Variants in EFNA1 observed in about 807,000 individuals in gnomAD.
The protein encoded by EFNA1 is ephrin A1.
A neutral mutation model predicts 23.2 loss-of-function variants in EFNA1; 8 were observed. The ratio of observed to expected loss-of-function variants is 0.34; its 90% CI spans 0.20 to 0.62. EFNA1 has a LOEUF of 0.62. Ranked by LOEUF, EFNA1 falls within the 20% of genes least tolerant of loss-of-function variation. The pLI, the probability that EFNA1 is intolerant of heterozygous loss-of-function variation, is 0.75. For missense variants in EFNA1, 217 were observed against 260.0 expected (o/e 0.83, Z 1.14); for synonymous variants, 89 against 98.6 (o/e 0.90, Z 0.58).
intron 2 of EFNA1, among the ~76,000 whole-genome samples, chr1:155,132,676 A>C (rs949348333): frequency 6.6e-6 from 1 of 151,662 alleles, no homozygotes; most frequent in Admixed American, 6.6e-5. Flanking sequence ...AAAAAAATAC[A>C]AAAATTAGCC....
chr1:155,131,269 T>G lies in EFNA1; in HGVS notation c.93-70T>G, dbSNP rs1178550349. ...TGAAATGTGAGAGGTCATGTAAACA[T>G]TCAGAGGCCCAAGGATCTGGCCTGG... On this transcript the variant is annotated intron_variant, in intron 1 of 4. Coordinates refer to ENST00000368407, the MANE Select transcript of EFNA1 (RefSeq NM_004428.3). 3.9e-6 allele frequency: 6 copies of G among 1,536,374 alleles called. No individual in the cohort carries two copies. The East Asian group carries it at 1.1e-4, about 29-fold the overall frequency.
chr1:155,130,628 G>C, intron 1 of EFNA1: 1 of 985,376 alleles, frequency 1.0e-6, no homozygotes, highest in South Asian at 4.7e-5. Context: ...GGTGCTCTGA[G>C]AAGGGGAAAA....
rs1018230584 is a variant in EFNA1, at chr1:155,131,635, G to A, written c.388+1G>A. The stretch of plus-strand genomic sequence containing the variant: ...GAAGGACACAGCTACTACTACATCT[G>A]TGAGTGCCTGTGAGGGGACAGTGTC... On this transcript the variant is annotated splice_donor_variant, in intron 2 of 4. Coordinates refer to ENST00000368407, the MANE Select transcript of EFNA1 (RefSeq NM_004428.3). LOFTEE classifies it high-confidence loss of function. The A allele has an allele frequency of 6.2e-7, 1 of 1,606,912 alleles. No homozygotes were observed. Among genetic ancestry groups the A allele is most frequent in the African/African-American group, 1.3e-5 (1 of 74,912 alleles).
intron 2 of EFNA1, 110 bp from the exon 3 acceptor site, chr1:155,133,388 GGAAGA>G (rs1664280798): frequency 8.5e-7 from 1 of 1,177,220 alleles, no homozygotes; most frequent in Admixed American, 1.9e-5. Context: ...AAGGTTAGAG[GGAAGA>G]GAAGAATGAA....
In EFNA1 at chr1:155,134,300, G is replaced by A. The variant is rs894970726; in HGVS notation, c.*233G>A. On this transcript the variant is annotated 3_prime_UTR_variant, in exon 5 of 5. Transcript: ENST00000368407. ...CCTTCACCTCGGAGGGATGGAGAAA[G>A]AAGTGGAGACAGTCCTTTCCCACCA... The A allele has an allele frequency of 1.0e-4, 58 of 567,626 alleles. No individual in the cohort carries two copies. The highest frequency in any genetic ancestry group is 9.0e-4 in the African/African-American group (48 of 53,150). 35.2% of individuals were successfully genotyped at this position (567,626 alleles called of 1,614,324 possible).
intron 2 of EFNA1, 81 bp from the exon 3 acceptor site, chr1:155,133,421 GA>G: frequency 2.0e-6 from 3 of 1,486,842 alleles, no homozygotes; most frequent in Non-Finnish European, 2.8e-6. Context: ...AGGGAGCTGA[GA>G]AAGCAGGGCG....
intron 2 of EFNA1, 93 bp downstream of exon 2, chr1:155,131,727 G>A: frequency 7.3e-7 from 1 of 1,365,674 alleles, no homozygotes; most frequent in South Asian, 1.4e-5. Context: ...AGCAGCAGAG[G>A]GCCCCTTCCG....
At chr1:155,129,151 A>G (rs1369692289) in intron 1 of EFNA1, among the ~76,000 whole-genome samples, 1 of 152,144 alleles carries the variant, frequency 6.6e-6, no homozygotes, top group Non-Finnish European at 1.5e-5. Context: ...CCTCCTGCCC[A>G]TGGACGCTGG....
rs193000596 is a variant in EFNA1 at position 155,133,004 on chromosome 1, G to A, written c.389-499G>A. On this transcript the variant is annotated intron_variant, in intron 2 of 4. Coordinates refer to ENST00000368407, the MANE Select transcript of EFNA1 (RefSeq NM_004428.3). ...CGACTTGCTGCAACCTCCACCTCCC[G>A]GGTTCAATTGATTCTTCTGCCTCAG... is the stretch of plus-strand genomic sequence containing the variant. Among the ~76,000 whole-genome samples the A allele has an allele frequency of 9.9e-4, 150 of 151,470 alleles. 1 individual carries two copies. Among genetic ancestry groups the A allele is most frequent in the African/African-American group, 3.3e-3 (135 of 41,334 alleles).
intron 2 of EFNA1, among the ~76,000 whole-genome samples, chr1:155,132,143 G>A (rs1571685866): frequency 6.6e-6 from 1 of 152,274 alleles, no homozygotes; most frequent in African/African-American, 2.4e-5. Context: ...ATGTGAGCCT[G>A]GAGAGGTGGA....
At chr1:155,132,288 G>T (rs182625614) in intron 2 of EFNA1, among the ~76,000 whole-genome samples, 78 of 151,764 alleles carry the variant, frequency 5.1e-4, no homozygotes, top group Non-Finnish European at 5.7e-4. Context: ...CACTCTTGTC[G>T]CCCAGGCTGG....
Position 155,131,524 on chromosome 1 carries a change from A to C in EFNA1, c.278A>C (p.Asn93Thr), listed in dbSNP as rs745426151. 5 of 1,613,690 alleles carry C rather than the reference A, an allele frequency of 3.1e-6. No individual in the cohort carries two copies. The highest frequency in any genetic ancestry group is 4.2e-6 in the Non-Finnish European group (5 of 1,179,856). Residue 93 changes from asparagine (N) to threonine (T), a missense_variant, in exon 2 of 5, where the codon AAC becomes ACC. Asn to Thr is a moderately conservative substitution (Grantham distance 65). Coordinates refer to ENST00000368407, the MANE Select transcript of EFNA1 (RefSeq NM_004428.3). ...QSKDQVRWQC[N>T]RPSAKHGPEK... ...AAGGACCAAGTCCGCTGGCAGTGCAACCGGCCCAGTGCCAAGCATGGCCCG... is the reference window on the plus strand; with the variant it reads ...AAGGACCAAGTCCGCTGGCAGTGCACCCGGCCCAGTGCCAAGCATGGCCCG...
intron 1 of EFNA1, 119 bp from the exon 2 acceptor site, chr1:155,131,220 G>C: frequency 7.0e-7 from 1 of 1,422,464 alleles, no homozygotes; most frequent in South Asian, 1.4e-5. Context: ...TTGAAACTTC[G>C]GAAAAATCTC....
chr1:155,128,003 T>C lies in EFNA1; in HGVS notation c.26T>C (p.Leu9Ser). 1 of 1,613,550 alleles carries C rather than the reference T, an allele frequency of 6.2e-7. No individual in the cohort carries two copies. Among genetic ancestry groups the C allele is most frequent in the Non-Finnish European group, 8.5e-7 (1 of 1,179,984 alleles). MEFLWAPL[L>S]GLCCSLAAAD... ...ATGGAGTTCCTCTGGGCCCCTCTCTTGGGTCTGTGCTGCAGTCTGGCCGCT... is the reference window on the plus strand; with the variant it reads ...ATGGAGTTCCTCTGGGCCCCTCTCTCGGGTCTGTGCTGCAGTCTGGCCGCT... The change falls in exon 1 of 5, where the codon TTG (leucine) becomes TCG (serine). Residue 9 changes from leucine (L) to serine (S), a missense_variant. Coordinates refer to ENST00000368407, the MANE Select transcript of EFNA1 (RefSeq NM_004428.3).
intron 4 of EFNA1, 71 bp from the exon 5 acceptor site, chr1:155,133,884 C>T: frequency 6.2e-7 from 1 of 1,604,954 alleles, no homozygotes; most frequent in South Asian, 1.1e-5. Flanking sequence ...TGAGGGAATC[C>T]TGTTGGGCTG....
chr1:155,133,368 G>A lies in EFNA1; in HGVS notation c.389-135G>A, dbSNP rs552801386. 1.2e-4 allele frequency: 122 copies of A among 978,210 alleles called. No homozygotes were observed. The African/African-American group carries it at 1.8e-3, about 15-fold the overall frequency. The allele number at this position is 978,210 out of a possible 1,614,324, so 60.6% of individuals were successfully genotyped here. A position where few individuals can be genotyped will look rare whatever the true frequency, so the allele number is the denominator to read the frequency against. On this transcript the variant is annotated intron_variant, in intron 2 of 4. Transcript: ENST00000368407. ...CAGGAAGTTAGCAAAAACTAAGGAG[G>A]GTAGGAATCAAGGTTAGAGGGAAGA...
chr1:155,133,688 C>T (rs1664293080), intron 3 of EFNA1, 42 bp from the exon 4 acceptor site: 2 of 1,612,452 alleles, frequency 1.2e-6, no homozygotes, highest in Admixed American at 1.7e-5. Flanking sequence ...CCCTCTGCCT[C>T]TTTGATACAG....
chr1:155,130,556 C>T, intron 1 of EFNA1: 1 of 984,536 alleles, frequency 1.0e-6, no homozygotes, highest in Non-Finnish European at 1.2e-6. Context: ...AGAGCTCCAG[C>T]ATTTCATCTA....
In EFNA1 at chr1:155,133,843, A is replaced by T. The variant is rs1039585370; in HGVS notation, c.505+63A>T. ...AGGGGTCTGCTTGAAGAGGTTGGGT[A>T]CAGGAGGTGGCTCCTTTACCAGGCT... On this transcript the variant is annotated intron_variant, in intron 4 of 4. Transcript: ENST00000368407. 3 of 1,608,872 alleles carry T rather than the reference A, an allele frequency of 1.9e-6. No homozygotes were observed. In the African/African-American group the frequency reaches 4.0e-5, roughly 22 times the overall value.
Sources: allele counts gnomAD v4.1 joint callset (sites outside exome capture counted in the v4.1 genomes callset), GRCh38; gene constraint gnomAD v4.1.1; transcripts MANE v1.5; gene names NCBI Gene and HGNC (gene_info 2026-07-23, HGNC 2026-07-21).